The following MATN3 variants were observed in gnomAD, a reference collection of about 807,000 sequenced individuals.
MATN3 encodes matrilin 3.
In MATN3, 48 loss-of-function variants were observed where a neutral mutation model predicts 45.3. That is an observed-to-expected ratio of 1.06 (90% CI 0.84 to 1.35). The LOEUF is 1.35. MATN3 is among the 40% of genes most tolerant of loss of function. MATN3 has a pLI of 0.00. For synonymous variants in MATN3, 217 were observed against 245.9 expected (o/e 0.88, Z 1.10); for missense variants, 599 against 628.0 (o/e 0.95, Z 0.49).
At position 19,992,984 on chromosome 2, in the gene MATN3, T is replaced by G; in HGVS notation, c.*127A>C. ...TCTTCATACAATTTATCCAGTAATA[T>G]TCAAGCATTAATACAGATAATGGCA... On this transcript the variant is annotated 3_prime_UTR_variant, in exon 8 of 8. Coordinates refer to ENST00000407540, the MANE Select transcript of MATN3 (RefSeq NM_002381.5). 2 of 729,302 alleles carry G rather than the reference T, an allele frequency of 2.7e-6. No individual in the cohort carries two copies. Among genetic ancestry groups the G allele is most frequent in the Non-Finnish European group, 2.4e-6 (1 of 413,106 alleles). 45.2% of individuals were successfully genotyped at this position (729,302 alleles called of 1,614,324 possible).
chr2:20,012,378 C>A lies in MATN3; in HGVS notation c.223+31G>T. ...GCCCTGGGCTTCTCCTCGTTCGATGCTCACGCGTCCCTCCCGCCGCCCGCC... is the reference window on the plus strand; with the variant it reads ...GCCCTGGGCTTCTCCTCGTTCGATGATCACGCGTCCCTCCCGCCGCCCGCC... On this transcript the variant is annotated intron_variant, in intron 1 of 7. Transcript: ENST00000407540. This position sits in a 1 kb window ranked among gnomAD's most constrained non-coding sequence, Gnocchi z 4.3. 8.2e-7 allele frequency: 1 copy of A among 1,223,234 alleles called. No homozygotes were observed. The highest frequency in any genetic ancestry group is 1.0e-6 in the Non-Finnish European group (1 of 981,478). 75.8% of individuals were successfully genotyped at this position (1,223,234 alleles called of 1,614,324 possible). A position where few individuals can be genotyped will look rare whatever the true frequency, so the allele number is the denominator to read the frequency against.
At chr2:19,993,921 A>G (rs759906420) in intron 7 of MATN3, among the ~76,000 whole-genome samples, 19 of 152,154 alleles carry the variant, frequency 1.2e-4, no homozygotes, top group Non-Finnish European at 2.5e-4. Flanking sequence ...ACTGTGTGTA[A>G]TCTGAGATAT....
chr2:20,010,803 T>C (rs2103486381), intron 1 of MATN3, among the ~76,000 whole-genome samples: 1 of 152,372 alleles, frequency 6.6e-6, no homozygotes, highest in East Asian at 1.9e-4. Flanking sequence ...GTGTGTTGTC[T>C]TAAGGCACTA....
At chr2:20,006,392 G>T in intron 1 of MATN3, 82 bp from the exon 2 acceptor site, 2 of 1,100,074 alleles carry the variant, frequency 1.8e-6, no homozygotes, top group Non-Finnish European at 2.5e-6. Flanking sequence ...ATTCCAGGAG[G>T]CCAGGCAAGG....
chr2:19,998,267 T>G (rs1165631079), intron 5 of MATN3, among the ~76,000 whole-genome samples: 1 of 152,170 alleles, frequency 6.6e-6, no homozygotes, highest in Non-Finnish European at 1.5e-5. Context: ...GTTTCATTTT[T>G]TTCCCCCTCA....
chr2:20,000,757 T>C (rs968063996), intron 4 of MATN3, among the ~76,000 whole-genome samples, 191 bp from the exon 5 acceptor site: 5 of 152,348 alleles, frequency 3.3e-5, no homozygotes, highest in African/African-American at 1.2e-4. Context: ...ACAATAATTA[T>C]TCTCTGACCT....
At position 20,006,326 on chromosome 2, in the gene MATN3, C is replaced by G. The variant is rs1301329510; in HGVS notation, c.224-16G>C. The G allele has an allele frequency of 6.7e-7, 1 of 1,500,916 alleles. No individual in the cohort carries two copies. Among genetic ancestry groups the G allele is most frequent in the East Asian group, 2.4e-5 (1 of 42,464 alleles). The allele number at this position is 1,500,916 out of a possible 1,614,324, so 93.0% of individuals were successfully genotyped here. A position where few individuals can be genotyped will look rare whatever the true frequency, so the allele number is the denominator to read the frequency against. On this transcript the variant is annotated splice_polypyrimidine_tract_variant and intron_variant, in intron 1 of 7. Coordinates refer to ENST00000407540, the MANE Select transcript of MATN3 (RefSeq NM_002381.5). Reference sequence around the variant, plus strand: ...TTGCAAACACCTGCAAAAGACCAAGCAATGATCAGACCACAATTAGAAATG... The same window carrying G: ...TTGCAAACACCTGCAAAAGACCAAGGAATGATCAGACCACAATTAGAAATG...
intron 6 of MATN3, 48 bp downstream of exon 6, chr2:19,997,086 G>T (rs547484359): frequency 6.2e-7 from 1 of 1,600,846 alleles, no homozygotes; most frequent in South Asian, 1.1e-5. Context: ...GCTTGCTCCT[G>T]AAAAATTTTC....
intron 1 of MATN3, among the ~76,000 whole-genome samples, chr2:20,008,983 G>C (rs1007496454): frequency 3.3e-5 from 5 of 152,068 alleles, no homozygotes; most frequent in African/African-American, 1.2e-4. Context: ...CCAACACTTC[G>C]AGAGGCTGAG....
intron 3 of MATN3, among the ~76,000 whole-genome samples, chr2:20,002,485 A>G (rs1424797588): frequency 6.6e-6 from 1 of 152,218 alleles, no homozygotes; most frequent in African/African-American, 2.4e-5. Context: ...TCTAGATTCC[A>G]TGAGCATCTA....
chr2:19,997,326 G>A, intron 5 of MATN3, 67 bp from the exon 6 acceptor site: 1 of 1,482,294 alleles, frequency 6.7e-7, no homozygotes, highest in Non-Finnish European at 9.0e-7. Context: ...ACAAATGTTT[G>A]AGAGGAGAAG....
Position 19,994,344 on chromosome 2 carries a change from A to G in MATN3, c.1360T>C (p.Phe454Leu). 3 of 1,613,708 alleles carry G rather than the reference A, an allele frequency of 1.9e-6. No homozygotes were observed. The East Asian group carries it at 6.7e-5, about 36-fold the overall frequency. The change falls in exon 7 of 8, where the codon TTC (phenylalanine) becomes CTC (leucine). Residue 454 changes from phenylalanine (F) to leucine (L), a missense_variant. Phe to Leu is a conservative substitution (Grantham distance 22, BLOSUM62 0). Coordinates refer to ENST00000407540, the MANE Select transcript of MATN3 (RefSeq NM_002381.5). ...AGATACGAGCTGACCTTGTCCTGGA[A>G]TGCCAGTGTAGCTTCACATCCACAA... ...DACGCEATLA[F>L]QDKVSSYLQR... is the part of the protein sequence containing the mutation.
rs1420297723 is a variant in MATN3 at position 19,995,523 on chromosome 2, A to G, written c.1295-1114T>C. Among the ~76,000 whole-genome samples the G allele has an allele frequency of 6.6e-6, 1 of 152,238 alleles. No individual in the cohort carries two copies. The highest frequency in any genetic ancestry group is 1.5e-5 in the Non-Finnish European group (1 of 68,026). ...ATTTCCTCTAGAGGACTGTTATTCT[A>G]TTTAATGGTTTGAAGTAAGAGTCCT... On this transcript the variant is annotated intron_variant, in intron 6 of 7. Coordinates refer to ENST00000407540, the MANE Select transcript of MATN3 (RefSeq NM_002381.5). The surrounding 1 kb of genome is among the most constrained non-coding windows in gnomAD (Gnocchi z 4.2).
chr2:20,004,693 T>C (rs1178), intron 2 of MATN3, among the ~76,000 whole-genome samples: 2,644 of 152,250 alleles, frequency 0.017, 49 homozygotes, highest in South Asian at 0.076. Context: ...ATTGGTTCAT[T>C]TGTTTGTCTC....
At chr2:19,997,432 C>T (rs751031129) in intron 5 of MATN3, 173 bp from the exon 6 acceptor site, 29 of 572,402 alleles carry the variant, frequency 5.1e-5, no homozygotes, top group Non-Finnish European at 7.6e-5. Flanking sequence ...TCTTCCCATA[C>T]CTCTCATCCC....
In MATN3 at chr2:20,005,743, C is replaced by CCA. The variant is rs769937419; in HGVS notation, c.789_790dup (p.Ala264ValfsTer35). 16 of 1,591,790 alleles carry CCA rather than the reference C, an allele frequency of 1.0e-5. No individual in the cohort carries two copies. In the African/African-American group the frequency reaches 2.1e-4, roughly 21 times the overall value. On this transcript the variant is annotated frameshift_variant and splice_region_variant. Transcript: ENST00000407540. LOFTEE classifies it high-confidence loss of function. ...TTGGAAGCAAAGACTGACCAACTTA[C>CCA]CACAGAAGGTTTCCTGGAATCTAGA... is the stretch of plus-strand genomic sequence containing the variant.
chr2:20,001,185 G>A (rs1346068356), intron 4 of MATN3, among the ~76,000 whole-genome samples: 1 of 152,186 alleles, frequency 6.6e-6, no homozygotes. Flanking sequence ...TCCCCAAACA[G>A]TAATTTACAT....
intron 2 of MATN3, among the ~76,000 whole-genome samples, chr2:20,004,491 G>A (rs1177860106): frequency 6.6e-6 from 1 of 152,166 alleles, no homozygotes; most frequent in African/African-American, 2.4e-5. Flanking sequence ...ACCAAAGCCA[G>A]TGATGGCTTG....
intron 5 of MATN3, among the ~76,000 whole-genome samples, chr2:20,000,148 A>T (rs983226911): frequency 6.6e-5 from 10 of 152,246 alleles, no homozygotes; most frequent in African/African-American, 1.2e-4. Flanking sequence ...CTCTTTGCTT[A>T]AAAGTCTTCA....
Sources: allele counts gnomAD v4.1 joint callset (sites outside exome capture counted in the v4.1 genomes callset), GRCh38; gene constraint gnomAD v4.1.1; non-coding constraint Gnocchi (gnomAD v3.1); transcripts MANE v1.5; gene names NCBI Gene and HGNC (gene_info 2026-07-23, HGNC 2026-07-21).